Variants in KCNAB1 observed in about 807,000 individuals in gnomAD.
The protein encoded by KCNAB1 is voltage-gated potassium channel subunit beta-1.
A neutral mutation model predicts 64.6 loss-of-function variants in KCNAB1; 35 were observed. The observed-to-expected ratio is 0.54, with a 90% confidence interval of 0.41 to 0.72. The LOEUF is 0.72. Ranked by LOEUF, KCNAB1 falls within the 30% of genes least tolerant of loss-of-function variation. KCNAB1 has a pLI of 0.00. For missense variants in KCNAB1, 401 were observed against 512.9 expected (o/e 0.78, Z 2.11); for synonymous variants, 177 against 183.8 (o/e 0.96, Z 0.30).
At chr3:156,338,302 ACTTTTT>A (rs1723858918) in intron 1 of KCNAB1, among the ~76,000 whole-genome samples, 1 of 17,298 alleles carries the variant, frequency 5.8e-5, no homozygotes. Flanking sequence ...TGGCATTTGC[ACTTTTT>A]TTTTTTTTTT....
chr3:156,463,649 C>A, intron 5 of KCNAB1, 53 bp from the exon 6 acceptor site: 2 of 1,355,736 alleles, frequency 1.5e-6, no homozygotes, highest in Non-Finnish European at 2.1e-6. Flanking sequence ...TGACTCGGTA[C>A]AATAACCTGC....
At chr3:156,338,268 G>A (rs1723852424) in intron 1 of KCNAB1, among the ~76,000 whole-genome samples, 1 of 127,342 alleles carries the variant, frequency 7.9e-6, no homozygotes, top group African/African-American at 2.8e-5. Flanking sequence ...TTCCCTTGGG[G>A]AGTCACTCAT....
intron 1 of KCNAB1, among the ~76,000 whole-genome samples, chr3:156,325,761 T>G (rs1167571049): frequency 6.6e-6 from 1 of 151,980 alleles, no homozygotes; most frequent in Non-Finnish European, 1.5e-5. Context: ...GAGACCTGCC[T>G]GGGCAATATA....
At chr3:156,286,822 C>A (rs540373055) in intron 1 of KCNAB1, among the ~76,000 whole-genome samples, 1 of 152,292 alleles carries the variant, frequency 6.6e-6, no homozygotes, top group South Asian at 2.1e-4. Flanking sequence ...TCACTATGCA[C>A]AGTGGGTAAG....
At chr3:156,121,836 A>G (rs1227462061) in intron 1 of KCNAB1, among the ~76,000 whole-genome samples, 1 of 152,230 alleles carries the variant, frequency 6.6e-6, no homozygotes, top group Admixed American at 6.5e-5. Context: ...CAAAGCATCC[A>G]GTGCACTCTG....
At chr3:156,406,190 G>C (rs1434154998) in intron 1 of KCNAB1, among the ~76,000 whole-genome samples, 2 of 152,176 alleles carry the variant, frequency 1.3e-5, no homozygotes, top group Non-Finnish European at 2.9e-5. Context: ...AAAAGTTATA[G>C]TGAATACAAG....
intron 2 of KCNAB1, among the ~76,000 whole-genome samples, chr3:156,438,745 G>A (rs1258701953): frequency 6.6e-6 from 1 of 152,172 alleles, no homozygotes; most frequent in Non-Finnish European, 1.5e-5. Flanking sequence ...ACCGGGCGTG[G>A]TGGCTCACAC....
chr3:156,142,665 A>G (rs906640266), intron 1 of KCNAB1, among the ~76,000 whole-genome samples: 5 of 152,240 alleles, frequency 3.3e-5, no homozygotes, highest in Non-Finnish European at 1.5e-5. Flanking sequence ...AAAGAGGTTA[A>G]TGGACCTTTC....
At chr3:156,367,993 T>G (rs529872037) in intron 1 of KCNAB1, among the ~76,000 whole-genome samples, 172 of 152,330 alleles carry the variant, frequency 1.1e-3, no homozygotes, top group Non-Finnish European at 1.9e-3. Context: ...ATGTTTGATT[T>G]TATGCAATTA....
chr3:156,460,547 A>G (rs201991096), intron 5 of KCNAB1: 1 of 152,282 alleles, frequency 6.6e-6, no homozygotes, highest in South Asian at 2.1e-4. Context: ...TTCAGCCCCA[A>G]CAGCCACTAC....
intron 1 of KCNAB1, among the ~76,000 whole-genome samples, chr3:156,407,452 T>G (rs1038886836): frequency 6.6e-6 from 1 of 152,172 alleles, no homozygotes; most frequent in African/African-American, 2.4e-5. Context: ...ATCATGGGTC[T>G]TCCCCACTAG....
chr3:156,143,326 G>A, intron 1 of KCNAB1: 1 of 1,612,808 alleles, frequency 6.2e-7, no homozygotes, highest in Non-Finnish European at 8.5e-7. Flanking sequence ...GAGGCCCAGT[G>A]GAGCAGCCGA....
At chr3:156,450,286 A>G (rs1711898676) in intron 2 of KCNAB1, among the ~76,000 whole-genome samples, 2 of 152,100 alleles carry the variant, frequency 1.3e-5, no homozygotes, top group Admixed American at 1.3e-4. Context: ...TCTACATCCA[A>G]ATGGTCTGAG....
chr3:156,300,725 C>CT (rs1721098674), intron 1 of KCNAB1, among the ~76,000 whole-genome samples: 1 of 151,896 alleles, frequency 6.6e-6, no homozygotes, highest in South Asian at 2.1e-4. Context: ...GATGACTATG[C>CT]TGACACATAG....
intron 1 of KCNAB1, among the ~76,000 whole-genome samples, chr3:156,398,509 A>G (rs1007823071): frequency 4.6e-5 from 7 of 150,668 alleles, no homozygotes; most frequent in Non-Finnish European, 4.4e-5. Context: ...GGAGAATGGC[A>G]TGAACCCCGG....
intron 1 of KCNAB1, among the ~76,000 whole-genome samples, chr3:156,366,173 A>G (rs922567161): frequency 4.6e-5 from 7 of 152,226 alleles, no homozygotes; most frequent in African/African-American, 1.7e-4. Flanking sequence ...GAAATGGCAA[A>G]CTGATGGTTT....
At chr3:156,494,408 A>T (rs1166043756) in intron 8 of KCNAB1, among the ~76,000 whole-genome samples, 1 of 152,082 alleles carries the variant, frequency 6.6e-6, no homozygotes, top group Non-Finnish European at 1.5e-5. Flanking sequence ...AGCCATCCTA[A>T]TGCCCTTAGT....
At chr3:156,119,637 A>C (rs1011943826), upstream of KCNAB1, among the ~76,000 whole-genome samples, 1 of 152,116 alleles carries the variant, frequency 6.6e-6, no homozygotes, top group African/African-American at 2.4e-5. Flanking sequence ...ATTGAGGGGG[A>C]GGGTGCCTGG....
intron 1 of KCNAB1, among the ~76,000 whole-genome samples, chr3:156,280,968 C>T (rs1421063774): frequency 4.0e-5 from 6 of 149,944 alleles, no homozygotes; most frequent in South Asian, 2.1e-4. Context: ...CCTTCTCCTG[C>T]CTAATTGCCC....
Sources: gnomAD v4.1 joint callset for allele counts (sites outside exome capture counted in the v4.1 genomes callset) on GRCh38, gnomAD v4.1.1 for gene constraint, MANE v1.5 for transcripts, NCBI Gene and HGNC (gene_info 2026-07-23, HGNC 2026-07-21) for gene names.